Variants in HTRA3 observed in about 807,000 individuals in gnomAD.
The protein encoded by HTRA3 is serine protease HTRA3.
HTRA3 carries 41 observed loss-of-function variants against 43.2 expected under a neutral mutation model. The observed-to-expected ratio is 0.95, with a 90% confidence interval of 0.74 to 1.23. The LOEUF (loss-of-function observed/expected upper bound fraction) is 1.23. Ranked by LOEUF, HTRA3 falls within the 50% of genes most tolerant of loss-of-function variation. The pLI is 0.00. For missense variants in HTRA3, 628 were observed against 647.1 expected, an observed-to-expected ratio of 0.97 and a Z score of 0.32; for synonymous variants, 295 against 287.9, an observed-to-expected ratio of 1.02 and a Z score of -0.25.
chr4:8,291,976 T>C (rs1713261739), intron 4 of HTRA3, among the ~76,000 whole-genome samples: 1 of 152,230 alleles, frequency 6.6e-6, no homozygotes, highest in East Asian at 1.9e-4. Flanking sequence ...GCTCAGGCAC[T>C]TGGCTGGAAT....
At chr4:8,283,818 T>G (rs562352562) in intron 2 of HTRA3, among the ~76,000 whole-genome samples, 11 of 152,306 alleles carry the variant, frequency 7.2e-5, no homozygotes, top group South Asian at 4.1e-4. Flanking sequence ...GAGGCTCCAC[T>G]GCCCTAGGCC....
Position 8,296,024 on chromosome 4 carries a change from T to G in HTRA3, c.1051+1823T>G. ...TTCAGGGGTGCACCCAGACCTGTCCTAGCATGCTCCTTTCCCTAATGACCG... is the reference window on the plus strand; with the variant it reads ...TTCAGGGGTGCACCCAGACCTGTCCGAGCATGCTCCTTTCCCTAATGACCG... On this transcript the variant is annotated intron_variant, in intron 6 of 8. Coordinates refer to ENST00000307358, the MANE Select transcript of HTRA3 (RefSeq NM_053044.5). The surrounding 1 kb of genome is among the most constrained non-coding windows in gnomAD (Gnocchi z 5.3). 1 of 1,158,210 alleles carries G rather than the reference T, an allele frequency of 8.6e-7. No homozygotes were observed. Among genetic ancestry groups the G allele is most frequent in the Non-Finnish European group, 1.1e-6 (1 of 941,142 alleles). 71.7% of individuals were successfully genotyped at this position (1,158,210 alleles called of 1,614,324 possible). A position where few individuals can be genotyped will look rare whatever the true frequency, so the allele number is the denominator to read the frequency against.
In HTRA3 at chr4:8,282,476, T is replaced by C; in HGVS notation, c.425T>C (p.Phe142Ser). ...AGCAGCCCGCGCTACAAGTTCAACT[T>C]CATTGCTGACGTGGTGGAGAAGATC... ...QLSSPRYKFNFIADVVEKIAP... is the reference protein window; with the variant it reads ...QLSSPRYKFNSIADVVEKIAP... The change falls in exon 2 of 9, where the codon TTC becomes TCC. Residue 142 changes from phenylalanine to serine, a missense_variant. Transcript: ENST00000307358. 1 of 1,614,108 alleles carries C rather than the reference T, an allele frequency of 6.2e-7. No individual in the cohort carries two copies. The highest frequency in any genetic ancestry group is 8.5e-7 in the Non-Finnish European group (1 of 1,180,014).
At chr4:8,280,613 C>T (rs1479900240) in intron 1 of HTRA3, among the ~76,000 whole-genome samples, 1 of 152,182 alleles carries the variant, frequency 6.6e-6, no homozygotes, top group Non-Finnish European at 1.5e-5. Context: ...TGGAAGCAAA[C>T]GTGGGCAGAG....
At chr4:8,272,476 C>T (rs2153003368) in intron 1 of HTRA3, among the ~76,000 whole-genome samples, 1 of 152,338 alleles carries the variant, frequency 6.6e-6, no homozygotes, top group South Asian at 2.1e-4. Context: ...ATGAGGTGAC[C>T]TTAGACCACT....
At position 8,295,652 on chromosome 4, in the gene HTRA3, T is replaced by C. The variant is rs1403316626; in HGVS notation, c.1051+1451T>C. 2.9e-6 allele frequency: 4 copies of C among 1,379,608 alleles called. No homozygotes were observed. Among genetic ancestry groups the C allele is most frequent in the Non-Finnish European group, 3.8e-6 (4 of 1,061,354 alleles). 85.5% of individuals were successfully genotyped at this position (1,379,608 alleles called of 1,614,324 possible). ...CTCCTGGCCAACGCCCAGGCCTGACTCAGCAACTCACACTTCCACATTGCT... is the reference window on the plus strand; with the variant it reads ...CTCCTGGCCAACGCCCAGGCCTGACCCAGCAACTCACACTTCCACATTGCT... On this transcript the variant is annotated intron_variant, in intron 6 of 8. Coordinates refer to ENST00000307358, the MANE Select transcript of HTRA3 (RefSeq NM_053044.5). This position sits in a 1 kb window ranked among gnomAD's most constrained non-coding sequence, Gnocchi z 6.9.
intron 6 of HTRA3, 47 bp downstream of exon 6, chr4:8,294,248 A>G (rs1274648297): frequency 6.5e-6 from 9 of 1,380,032 alleles, no homozygotes; most frequent in Admixed American, 1.8e-5. Context: ...GCACTCTCCC[A>G]GGGCTACAGC....
chr4:8,294,142 C>G lies in HTRA3; in HGVS notation c.992C>G (p.Ala331Gly), dbSNP rs1291682875. ...TLKVTAGISF[A>G]IPSDRITRFL... ...AAGGTCACGGCTGGCATCTCCTTTG[C>G]CATCCCCTCAGACCGCATCACACGG... Residue 331 changes from alanine (A) to glycine (G), a missense_variant, in exon 6 of 9, where the codon GCC becomes GGC. Coordinates refer to ENST00000307358, the MANE Select transcript of HTRA3 (RefSeq NM_053044.5). The G allele has an allele frequency of 6.2e-6, 10 of 1,612,748 alleles. No individual in the cohort carries two copies. In the East Asian group the frequency reaches 2.2e-4, roughly 36 times the overall value.
chr4:8,303,722 G>C (rs1053091550), intron 7 of HTRA3, among the ~76,000 whole-genome samples: 1 of 151,812 alleles, frequency 6.6e-6, no homozygotes, highest in African/African-American at 2.4e-5. Context: ...TCTTCTGTCT[G>C]TCTGTTCCAT....
chr4:8,292,440 A>ACCT, intron 5 of HTRA3, 87 bp downstream of exon 5: 2 of 1,102,644 alleles, frequency 1.8e-6, no homozygotes, highest in African/African-American at 1.5e-5. Context: ...GACAGGGCCC[A>ACCT]CAATATGGTC....
At chr4:8,289,042 T>C (rs1226569853) in intron 3 of HTRA3, among the ~76,000 whole-genome samples, 4 of 151,390 alleles carry the variant, frequency 2.6e-5, no homozygotes, top group African/African-American at 9.7e-5. Context: ...GTCAAACTCC[T>C]GGGCTTAAGG....
At chr4:8,273,662 C>G (rs1323936064) in intron 1 of HTRA3, among the ~76,000 whole-genome samples, 1 of 152,032 alleles carries the variant, frequency 6.6e-6, no homozygotes, top group African/African-American at 2.4e-5. Flanking sequence ...GCCTCGGGCT[C>G]TACTCTTCCC....
In HTRA3 at chr4:8,280,976, G is replaced by A. The variant is rs144899114; in HGVS notation, c.386-1461G>A. ...AGGTGGGGGCACCCAGGGAAAGGAG[G>A]CCTGCGGCCTGCGTTCAGATCCTGG... On this transcript the variant is annotated intron_variant, in intron 1 of 8. Coordinates refer to ENST00000307358, the MANE Select transcript of HTRA3 (RefSeq NM_053044.5). Among the ~76,000 whole-genome samples, 49 of 152,344 alleles carry A rather than the reference G, an allele frequency of 3.2e-4. No homozygotes were observed. The East Asian group carries it at 6.9e-3, about 22-fold the overall frequency.
chr4:8,295,306 C>T lies in HTRA3; in HGVS notation c.1051+1105C>T, dbSNP rs539385537. On this transcript the variant is annotated intron_variant, in intron 6 of 8. Coordinates refer to ENST00000307358, the MANE Select transcript of HTRA3 (RefSeq NM_053044.5). This position sits in a 1 kb window ranked among gnomAD's most constrained non-coding sequence, Gnocchi z 6.9. ...ATGCCAGGGGAGCAGAGTCCAATAC[C>T]TCGTCTTTGGAAGTCACCCTCCTCC... Among the ~76,000 whole-genome samples, 13 of 152,214 alleles carry T rather than the reference C, an allele frequency of 8.5e-5. No homozygotes were observed. The South Asian group carries it at 2.7e-3, about 32-fold the overall frequency.
rs1377722092 is a variant in HTRA3 at position 8,279,603 on chromosome 4, T to A, written c.386-2834T>A. Among the ~76,000 whole-genome samples, 3 of 151,960 alleles carry A rather than the reference T, an allele frequency of 2.0e-5. No homozygotes were observed. The highest frequency in any genetic ancestry group is 4.4e-5 in the Non-Finnish European group (3 of 67,974). On this transcript the variant is annotated intron_variant, in intron 1 of 8. Coordinates refer to ENST00000307358, the MANE Select transcript of HTRA3 (RefSeq NM_053044.5). The surrounding 1 kb of genome is among the most constrained non-coding windows in gnomAD (Gnocchi z 7.4). ...GGCCCTGGGTGTTGGAGTGTCTGAG[T>A]CCAGGATGGAGACACACAGGAAGGC...
At position 8,295,908 on chromosome 4, in the gene HTRA3, A is replaced by G; in HGVS notation, c.1051+1707A>G. The G allele has an allele frequency of 8.1e-7, 1 of 1,232,184 alleles. No homozygotes were observed. The highest frequency in any genetic ancestry group is 1.0e-6 in the Non-Finnish European group (1 of 987,324). 76.3% of individuals were successfully genotyped at this position (1,232,184 alleles called of 1,614,324 possible). ...AGCCAGGCAGAGCCTGTCTTTCCCA[A>G]AGAAGCTGAAGTCTTCTTCTCTTGA... is the stretch of plus-strand genomic sequence containing the variant. On this transcript the variant is annotated intron_variant, in intron 6 of 8. Coordinates refer to ENST00000307358, the MANE Select transcript of HTRA3 (RefSeq NM_053044.5). The surrounding 1 kb of genome is among the most constrained non-coding windows in gnomAD (Gnocchi z 6.9).
chr4:8,282,944 G>A (rs1035514164), intron 2 of HTRA3, among the ~76,000 whole-genome samples: 9 of 152,202 alleles, frequency 5.9e-5, no homozygotes, highest in Non-Finnish European at 1.3e-4. Context: ...AGAGAGCAGG[G>A]CTCGGGGCAG....
intron 8 of HTRA3, among the ~76,000 whole-genome samples, chr4:8,304,650 T>TG (rs1560144656): frequency 0.07 from 5,091 of 72,654 alleles, 632 homozygotes; most frequent in East Asian, 0.39. Flanking sequence ...ATTGTTTTTT[T>TG]TTTTTTTTTT....
intron 3 of HTRA3, among the ~76,000 whole-genome samples, chr4:8,288,871 C>G (rs1236677959): frequency 1.5e-5 from 2 of 133,846 alleles, no homozygotes; most frequent in African/African-American, 5.9e-5. Context: ...GCACCCCACC[C>G]CCAAATTTTC....
Sources: allele counts gnomAD v4.1 joint callset (sites outside exome capture counted in the v4.1 genomes callset), GRCh38; gene constraint gnomAD v4.1.1; non-coding constraint Gnocchi (gnomAD v3.1); transcripts MANE v1.5; gene names NCBI Gene and HGNC (gene_info 2026-07-23, HGNC 2026-07-21).